The following SEMA5A variants were observed in gnomAD, a reference collection of about 807,000 sequenced individuals.
The protein encoded by SEMA5A is semaphorin 5A.
In SEMA5A, 55 loss-of-function variants were observed where a neutral mutation model predicts 135.5. That is an observed-to-expected ratio of 0.41 (90% CI 0.33 to 0.51). The LOEUF (loss-of-function observed/expected upper bound fraction) is 0.51. Among genes scored for constraint, SEMA5A ranks in the 20% least tolerant of loss-of-function variants. The probability of loss-of-function intolerance (pLI) is 0.37; values close to 1 mark genes in which losing one functional copy is unlikely to be tolerated. For synonymous variants in SEMA5A, 580 were observed against 546.5 expected (o/e 1.06, Z -0.85); for missense variants, 1,290 against 1,419.9 (o/e 0.91, Z 1.47).
intron 12 of SEMA5A, among the ~76,000 whole-genome samples, chr5:9,144,008 C>T (rs144134346): frequency 0.01 from 1,574 of 152,238 alleles, 13 homozygotes; most frequent in Middle Eastern, 0.037. Context: ...CATGGTTCCA[C>T]GATGTGGAAG....
chr5:9,285,031 A>C (rs568499559), intron 5 of SEMA5A, among the ~76,000 whole-genome samples: 1 of 152,274 alleles, frequency 6.6e-6, no homozygotes, highest in South Asian at 2.1e-4. Context: ...TAATAATAGA[A>C]CCAAACTAGA....
chr5:9,230,170 T>C (rs1277175531), intron 6 of SEMA5A, among the ~76,000 whole-genome samples: 1 of 143,852 alleles, frequency 7.0e-6, no homozygotes, highest in South Asian at 2.2e-4. Flanking sequence ...TTTTTTTTTT[T>C]TTTTTTTTTT....
Position 9,050,433 on chromosome 5 carries a change from C to T in SEMA5A, c.2870G>A (p.Ser957Asn), listed in dbSNP as rs779153404. Reference sequence around the variant, plus strand: ...ACCTCCACACCTTTTCTCTTCTACGCTACTGGATCTTGCCACAGATACTTC... The same window carrying T: ...ACCTCCACACCTTTTCTCTTCTACGTTACTGGATCTTGCCACAGATACTTC... The part of the protein sequence containing the change: ...IPEVSVARSS[S>N]VEEKRCGEFN... The change falls in exon 21 of 23, where the codon AGC (serine) becomes AAC (asparagine). Residue 957 changes from serine to asparagine, a missense_variant. Ser to Asn is a conservative substitution (Grantham distance 46). Around this residue, in one of 3 missense-constraint regions of SEMA5A, gnomAD observed 1,029 missense variants for 1,086.6 expected, o/e 0.95. Coordinates refer to ENST00000382496, the MANE Select transcript of SEMA5A (RefSeq NM_003966.3). The T allele has an allele frequency of 4.3e-6, 7 of 1,612,758 alleles. No homozygotes were observed. The highest frequency in any genetic ancestry group is 1.1e-5 in the South Asian group (1 of 90,614).
At chr5:9,426,914 T>G (rs971081955) in intron 2 of SEMA5A, among the ~76,000 whole-genome samples, 13 of 152,238 alleles carry the variant, frequency 8.5e-5, no homozygotes, top group African/African-American at 3.1e-4. Context: ...AATATTATGA[T>G]GTCCCAGAAG....
In SEMA5A at chr5:9,154,665, G is replaced by A. The variant is rs530052137; in HGVS notation, c.1304C>T (p.Pro435Leu). 1.9e-6 allele frequency: 3 copies of A among 1,614,004 alleles called. No homozygotes were observed. Among genetic ancestry groups the A allele is most frequent in the East Asian group, 2.2e-5 (1 of 44,834 alleles). ...DYGTIKKVRV[P>L]LNQTSSSCLL... ...ACAGCTGCTTGAGGTCTGATTCAGG[G>A]GTACCCGCACTTTCTTAATGGTTCC... Residue 435 changes from proline (P) to leucine (L), a missense_variant, in exon 12 of 23, where the codon CCC (proline) becomes CTC (leucine). Around this residue, in one of 3 missense-constraint regions of SEMA5A, gnomAD observed 1,029 missense variants for 1,086.6 expected, o/e 0.95. Transcript: ENST00000382496.
At chr5:9,088,373 A>C (rs1170101446) in intron 16 of SEMA5A, among the ~76,000 whole-genome samples, 8 of 150,908 alleles carry the variant, frequency 5.3e-5, no homozygotes, top group Admixed American at 5.3e-4. Context: ...TATAAATATA[A>C]GTATATAGAA....
In SEMA5A at chr5:9,201,987, C is replaced by T. The variant is rs1745733491; in HGVS notation, c.900G>A (p.Leu300=). The T allele has an allele frequency of 6.2e-7, 1 of 1,614,072 alleles. No individual in the cohort carries two copies. Among genetic ancestry groups the T allele is most frequent in the Non-Finnish European group, 8.5e-7 (1 of 1,179,984 alleles). Residue 300 remains leucine, a synonymous_variant, in exon 9 of 23, where the codon CTG becomes CTA. Transcript: ENST00000382496. ...TGGTAAAGATGCCATAGATCAAATC[C>T]AGCTCAGGCAGGAAGAAAGTACTCT... ...ELQSTFFLPE[L]DLIYGIFTTN...
intron 16 of SEMA5A, among the ~76,000 whole-genome samples, chr5:9,106,525 G>C (rs1307891515): frequency 6.6e-6 from 1 of 152,128 alleles, no homozygotes; most frequent in East Asian, 1.9e-4. Context: ...AATGTATTTA[G>C]AAACTAGGGT....
chr5:9,222,386 C>T (rs529697860), intron 8 of SEMA5A, among the ~76,000 whole-genome samples: 2 of 152,268 alleles, frequency 1.3e-5, no homozygotes, highest in East Asian at 1.9e-4. Context: ...ATGAAGACAA[C>T]ACTTCATATG....
chr5:9,057,103 G>A (rs257093), intron 18 of SEMA5A, among the ~76,000 whole-genome samples: 132,130 of 152,270 alleles, frequency 0.87, 57,414 homozygotes, highest in East Asian at 0.96. Flanking sequence ...AGAGTAAAAC[G>A]GTGGTTGCCA....
intron 2 of SEMA5A, among the ~76,000 whole-genome samples, chr5:9,388,047 C>A (rs548315885): frequency 6.6e-6 from 1 of 152,234 alleles, no homozygotes; most frequent in African/African-American, 2.4e-5. Flanking sequence ...CCACTCTTAA[C>A]TCCAGAAACA....
At position 9,258,918 on chromosome 5, in the gene SEMA5A, G is replaced by A. The variant is rs140869245; in HGVS notation, c.271-21028C>T. 5.2e-3 allele frequency among the ~76,000 whole-genome samples: 724 copies of A among 139,926 alleles called. 6 individuals carry two copies. Among genetic ancestry groups the A allele is most frequent in the Non-Finnish European group, 8.2e-3 (541 of 65,904 alleles). 91.8% of individuals were successfully genotyped at this position (139,926 alleles called of 152,430 possible). On this transcript the variant is annotated intron_variant, in intron 5 of 22. Transcript: ENST00000382496. ...GAACCTCTGCCTCCTGGGTTCAAGC[G>A]TTCAAGCAATTCTCGTGCCTCAGCC...
intron 3 of SEMA5A, among the ~76,000 whole-genome samples, chr5:9,351,704 A>G (rs1317089405): frequency 6.6e-6 from 1 of 152,228 alleles, no homozygotes; most frequent in Non-Finnish European, 1.5e-5. Context: ...CAGATCCCAC[A>G]TCATGAGTGT....
At chr5:9,470,273 T>A (rs142628620) in intron 1 of SEMA5A, among the ~76,000 whole-genome samples, 1 of 152,342 alleles carries the variant, frequency 6.6e-6, no homozygotes, top group East Asian at 1.9e-4. Flanking sequence ...GTTCCTATAG[T>A]GTGTGCTTCA....
At chr5:9,314,296 A>T (rs1204614763) in intron 5 of SEMA5A, among the ~76,000 whole-genome samples, 1 of 151,836 alleles carries the variant, frequency 6.6e-6, no homozygotes, top group African/African-American at 2.4e-5. Context: ...GATCCAGAAC[A>T]CTTCAACTCT....
At chr5:9,401,146 G>A (rs936075062) in intron 2 of SEMA5A, among the ~76,000 whole-genome samples, 7 of 152,088 alleles carry the variant, frequency 4.6e-5, no homozygotes, top group Non-Finnish European at 8.8e-5. Flanking sequence ...AAGGCAAATA[G>A]CTAAAGAAAA....
rs1157826651 is a variant in SEMA5A, at chr5:9,458,195, C to A, written c.-174-20343G>T. 3.3e-5 allele frequency among the ~76,000 whole-genome samples: 5 copies of A among 151,590 alleles called. No individual in the cohort carries two copies. The East Asian group carries it at 9.8e-4, about 30-fold the overall frequency. On this transcript the variant is annotated intron_variant, in intron 1 of 22. Transcript: ENST00000382496. ...GTGCTGGGATTACAGGCGTGAGCCACCGCGCCTGGCCCAGCATCTCTCCTT... is the reference window on the plus strand; with the variant it reads ...GTGCTGGGATTACAGGCGTGAGCCAACGCGCCTGGCCCAGCATCTCTCCTT...
intron 6 of SEMA5A, among the ~76,000 whole-genome samples, chr5:9,236,876 C>T (rs1404155645): frequency 6.6e-6 from 1 of 151,858 alleles, no homozygotes; most frequent in Non-Finnish European, 1.5e-5. Flanking sequence ...ACTCCCACAG[C>T]GATTCAGTTA....
intron 2 of SEMA5A, among the ~76,000 whole-genome samples, chr5:9,397,449 T>C (rs545474457): frequency 6.6e-6 from 1 of 152,336 alleles, no homozygotes; most frequent in East Asian, 1.9e-4. Flanking sequence ...TTTAATAATT[T>C]AATCAACGTA....
Sources: gnomAD v4.1 joint callset for allele counts (sites outside exome capture counted in the v4.1 genomes callset) on GRCh38, gnomAD v4.1.1 for gene constraint, gnomAD v4.1.1 regional missense constraint, MANE v1.5 for transcripts, NCBI Gene and HGNC (gene_info 2026-07-23, HGNC 2026-07-21) for gene names.